The following BCAS3 variants were observed in gnomAD, a reference collection of about 807,000 sequenced individuals.
BCAS3 encodes BCAS3 microtubule associated cell migration factor.
Under a neutral mutation model 116.1 loss-of-function variants are expected in BCAS3, and 53 were observed. That is an observed-to-expected ratio of 0.46 (90% CI 0.37 to 0.57). The LOEUF (loss-of-function observed/expected upper bound fraction) is 0.57. BCAS3 is among the 20% of genes least tolerant of loss of function. BCAS3 has a pLI of 0.00. For synonymous variants in BCAS3, 391 were observed against 408.2 expected, an observed-to-expected ratio of 0.96 and a Z score of 0.51; for missense variants, 917 against 1,165.4, an observed-to-expected ratio of 0.79 and a Z score of 3.10.
In BCAS3 at chr17:61,362,291, A is replaced by G. The variant is rs898547973; in HGVS notation, c.2426-6036A>G. On this transcript the variant is annotated intron_variant, in intron 22 of 23. Transcript: ENST00000407086. The surrounding 1 kb of genome is among the most constrained non-coding windows in gnomAD (Gnocchi z 4.4). ...AGTTATTGTAGACGTCATCATCACA[A>G]CCTCTCACCAAGGAGGGCTTACATC... Among the ~76,000 whole-genome samples the G allele has an allele frequency of 3.7e-4, 56 of 152,030 alleles. No homozygotes were observed. Among genetic ancestry groups the G allele is most frequent in the Admixed American group, 5.9e-4 (9 of 15,256 alleles).
chr17:61,113,978 A>G (rs1297595896), intron 22 of BCAS3, among the ~76,000 whole-genome samples: 3 of 148,490 alleles, frequency 2.0e-5, no homozygotes, highest in Non-Finnish European at 3.0e-5. Flanking sequence ...ACAGAGCCAA[A>G]GACAAAAACC....
At chr17:61,015,433 C>T (rs1471874393) in intron 15 of BCAS3, among the ~76,000 whole-genome samples, 1 of 152,046 alleles carries the variant, frequency 6.6e-6, no homozygotes, top group South Asian at 2.1e-4. Flanking sequence ...GGATGACAAG[C>T]GTGTACCACA....
Position 61,205,065 on chromosome 17 carries a change from G to A in BCAS3, c.2425+120501G>A, listed in dbSNP as rs560103900. 7.6e-4 allele frequency among the ~76,000 whole-genome samples: 115 copies of A among 152,068 alleles called. No homozygotes were observed. The highest frequency in any genetic ancestry group is 2.7e-3 in the African/African-American group (114 of 41,466). On this transcript the variant is annotated intron_variant, in intron 22 of 23. Coordinates refer to ENST00000407086, the MANE Select transcript of BCAS3 (RefSeq NM_017679.5). This position sits in a 1 kb window ranked among gnomAD's most constrained non-coding sequence, Gnocchi z 5.2. ...TAAAGAATGACAGGATAAAAATTTA[G>A]GGAGGCCGATTCCATCTGCAATCAA...
intron 6 of BCAS3, among the ~76,000 whole-genome samples, chr17:60,747,751 G>A (rs2042126918): frequency 6.6e-6 from 1 of 151,924 alleles, no homozygotes; most frequent in Admixed American, 6.6e-5. Context: ...ACTTTTCTCT[G>A]GGCTGTAGAT....
At chr17:60,974,712 C>T (rs1236826227) in intron 14 of BCAS3, among the ~76,000 whole-genome samples, 3 of 152,078 alleles carry the variant, frequency 2.0e-5, no homozygotes, top group South Asian at 2.1e-4. Context: ...TGGTAAATTA[C>T]ATAACCTAAC....
chr17:60,786,567 A>G (rs1475103109), intron 6 of BCAS3, among the ~76,000 whole-genome samples: 2 of 151,002 alleles, frequency 1.3e-5, no homozygotes, highest in African/African-American at 4.9e-5. Flanking sequence ...ATATATATAT[A>G]TATAAAATGT....
rs78710810 is a variant in BCAS3 at position 61,216,002 on chromosome 17, G to A, written c.2425+131438G>A. On this transcript the variant is annotated intron_variant, in intron 22 of 23. Coordinates refer to ENST00000407086, the MANE Select transcript of BCAS3 (RefSeq NM_017679.5). ...TGGTTGGTTCTCCCAGTAGTAGATC[G>A]CTGATATTTCAGAACACTCTGCTGA... is the stretch of plus-strand genomic sequence containing the variant. 6.1e-3 allele frequency among the ~76,000 whole-genome samples: 930 copies of A among 152,184 alleles called. 26 individuals carry two copies. The highest frequency in any genetic ancestry group is 0.049 in the Admixed American group (756 of 15,282).
At chr17:60,811,927 C>G (rs1196749452) in intron 7 of BCAS3, among the ~76,000 whole-genome samples, 2 of 152,118 alleles carry the variant, frequency 1.3e-5, no homozygotes, top group Non-Finnish European at 2.9e-5. Context: ...ATGGCACACG[C>G]CTGTGGTCCC....
In BCAS3 at chr17:60,711,336, T is replaced by G. The variant is rs913585239; in HGVS notation, c.321+2011T>G. 7.2e-5 allele frequency among the ~76,000 whole-genome samples: 11 copies of G among 152,248 alleles called. 1 individual carries two copies. Among genetic ancestry groups the G allele is most frequent in the Admixed American group, 5.9e-4 (9 of 15,278 alleles). Reference sequence around the variant, plus strand: ...AGGCGTGGAGAAAGTACTTAAAATTTGGCAGTGTTTTTTTTTCTTACGGAG... The same window carrying G: ...AGGCGTGGAGAAAGTACTTAAAATTGGGCAGTGTTTTTTTTTCTTACGGAG... On this transcript the variant is annotated intron_variant, in intron 5 of 23. Transcript: ENST00000407086.
At chr17:60,700,091 T>C (rs1276039338) in intron 4 of BCAS3, among the ~76,000 whole-genome samples, 1 of 151,546 alleles carries the variant, frequency 6.6e-6, no homozygotes, top group Non-Finnish European at 1.5e-5. Context: ...AGAGGATTCC[T>C]CGAGCCCAGG....
rs374070207 is a variant in BCAS3 at position 61,156,926 on chromosome 17, AC to A, written c.2425+72363del. ...TCCTTTGAAACAACACTTAAAAAAA[AC>A]AAATTCTACAACATTTAAACAGTTG... On this transcript the variant is annotated intron_variant, in intron 22 of 23. Coordinates refer to ENST00000407086, the MANE Select transcript of BCAS3 (RefSeq NM_017679.5). This position sits in a 1 kb window ranked among gnomAD's most constrained non-coding sequence, Gnocchi z 4.7. Among the ~76,000 whole-genome samples, 20 of 152,330 alleles carry A rather than the reference AC, an allele frequency of 1.3e-4. No homozygotes were observed. The highest frequency in any genetic ancestry group is 1.2e-3 in the East Asian group (6 of 5,192).
At chr17:60,733,372 G>T (rs1276281276) in intron 5 of BCAS3, among the ~76,000 whole-genome samples, 3 of 152,134 alleles carry the variant, frequency 2.0e-5, no homozygotes, top group Non-Finnish European at 1.5e-5. Flanking sequence ...AAATGTCCGG[G>T]GTCTCAGGTA....
In BCAS3 at chr17:61,309,386, G is replaced by A. The variant is rs527451140; in HGVS notation, c.2426-58941G>A. On this transcript the variant is annotated intron_variant, in intron 22 of 23. Coordinates refer to ENST00000407086, the MANE Select transcript of BCAS3 (RefSeq NM_017679.5). This position sits in a 1 kb window ranked among gnomAD's most constrained non-coding sequence, Gnocchi z 4.6. ...GGGCAGATGAGCATGCCTGAGTACT[G>A]AACACTACCGTGTCACTCCCCATGT... Among the ~76,000 whole-genome samples, 1 of 152,094 alleles carries A rather than the reference G, an allele frequency of 6.6e-6. No individual in the cohort carries two copies. Among genetic ancestry groups the A allele is most frequent in the East Asian group, 1.9e-4 (1 of 5,164 alleles).
chr17:61,099,618 C>T (rs1357394242), intron 22 of BCAS3, among the ~76,000 whole-genome samples: 1 of 152,176 alleles, frequency 6.6e-6, no homozygotes, highest in Non-Finnish European at 1.5e-5. Context: ...TATGTTTAAA[C>T]AGAATATTTC....
At chr17:61,102,268 T>C (rs1231756971) in intron 22 of BCAS3, among the ~76,000 whole-genome samples, 3 of 152,156 alleles carry the variant, frequency 2.0e-5, no homozygotes, top group East Asian at 3.8e-4. Context: ...TGAAAAATTA[T>C]GGAATTAAAA....
At chr17:61,373,945 G>A (rs572882960) in intron 23 of BCAS3, among the ~76,000 whole-genome samples, 14 of 145,982 alleles carry the variant, frequency 9.6e-5, no homozygotes, top group East Asian at 2.1e-4. Flanking sequence ...TTTCCTGAGC[G>A]ACTAGGACTA....
At chr17:61,283,640 A>T (rs1017733701) in intron 22 of BCAS3, among the ~76,000 whole-genome samples, 3 of 151,608 alleles carry the variant, frequency 2.0e-5, no homozygotes, top group African/African-American at 7.3e-5. Flanking sequence ...TTTTTAGTCG[A>T]GACAGGGTTT....
At position 61,385,916 on chromosome 17, in the gene BCAS3, A is replaced by C. The variant is rs560267059; in HGVS notation, c.2594-6061A>C. 1.1e-4 allele frequency among the ~76,000 whole-genome samples: 17 copies of C among 152,316 alleles called. No individual in the cohort carries two copies. The South Asian group carries it at 3.3e-3, about 30-fold the overall frequency. ...GGCCATTTCTTGATTAAAAAGAAAG[A>C]ATCCTTCCCAAGCTCCGGTGGAAGC... On this transcript the variant is annotated intron_variant, in intron 23 of 23. Transcript: ENST00000407086.
chr17:61,260,812 G>A (rs1258537469), intron 22 of BCAS3, among the ~76,000 whole-genome samples: 1 of 152,216 alleles, frequency 6.6e-6, no homozygotes, highest in East Asian at 1.9e-4. Flanking sequence ...AGGAGCAGAA[G>A]AAAATGATCT....
Sources: allele counts gnomAD v4.1 joint callset (sites outside exome capture counted in the v4.1 genomes callset), GRCh38; gene constraint gnomAD v4.1.1; non-coding constraint Gnocchi (gnomAD v3.1); transcripts MANE v1.5; gene names NCBI Gene and HGNC (gene_info 2026-07-23, HGNC 2026-07-21).